The following LPL variants were observed in gnomAD, a reference collection of about 807,000 sequenced individuals.
The protein encoded by LPL is lipoprotein lipase, also known as phospholipase A1.
Under a neutral mutation model 52.2 loss-of-function variants are expected in LPL, and 43 were observed. The ratio of observed to expected loss-of-function variants is 0.82; its 90% CI spans 0.64 to 1.06. LPL has a LOEUF of 1.06. LPL is among the 50% of genes least tolerant of loss of function. The pLI is 0.00. For missense variants in LPL, 639 were observed against 585.3 expected (o/e 1.09, Z -0.95); for synonymous variants, 244 against 215.6 (o/e 1.13, Z -1.15).
chr8:19,962,137 A>C lies in LPL; in HGVS notation c.1345A>C (p.Lys449Gln). 6.2e-7 allele frequency: 1 copy of C among 1,613,498 alleles called. No individual in the cohort carries two copies. Among genetic ancestry groups the C allele is most frequent in the Non-Finnish European group, 8.5e-7 (1 of 1,179,500 alleles). The part of the protein sequence containing the change: ...QKKVIFCSRE[K>Q]VSHLQKGKAP... ...CAGGGTGATCTTCTGTTCTAGGGAG[A>C]AAGTGTCTCATTTGCAGAAAGGAAA... Residue 449 changes from lysine to glutamine, a missense_variant, in exon 9 of 10, where the codon AAA becomes CAA. Physicochemically the swap from Lys to Gln is moderately conservative, Grantham distance 53. Transcript: ENST00000650287.
intron 2 of LPL, chr8:19,948,552 T>C (rs569081126): frequency 1.4e-5 from 8 of 565,608 alleles, no homozygotes; most frequent in African/African-American, 3.7e-5. Flanking sequence ...ATTTTAACAC[T>C]GTACCTGGTT....
rs866366793 is a variant in LPL at position 19,944,268 on chromosome 8, G to T, written c.89-3912G>T. On this transcript the variant is annotated intron_variant, in intron 1 of 9. Coordinates refer to ENST00000650287, the MANE Select transcript of LPL (RefSeq NM_000237.3). The surrounding 1 kb of genome is among the most constrained non-coding windows in gnomAD (Gnocchi z 4.2). ...GAGCATTACTTACGTTAGAATATCTGAACAGACCAATCAATTCAGTCTGAT... is the reference window on the plus strand; with the variant it reads ...GAGCATTACTTACGTTAGAATATCTTAACAGACCAATCAATTCAGTCTGAT... Among the ~76,000 whole-genome samples, 5 of 152,170 alleles carry T rather than the reference G, an allele frequency of 3.3e-5. No homozygotes were observed. Among genetic ancestry groups the T allele is most frequent in the Admixed American group, 1.3e-4 (2 of 15,272 alleles).
intron 1 of LPL, among the ~76,000 whole-genome samples, chr8:19,941,620 C>T (rs1254084681): frequency 6.6e-6 from 1 of 152,214 alleles, no homozygotes; most frequent in Non-Finnish European, 1.5e-5. Flanking sequence ...TCCAAGTAGA[C>T]TGGAAACGAT....
chr8:19,953,317 TTAAC>T lies in LPL; in HGVS notation c.440_443del (p.Asn147ThrfsTer24), dbSNP rs751554200. The T allele has an allele frequency of 1.6e-5, 25 of 1,609,316 alleles. No homozygotes were observed. Among genetic ancestry groups the T allele is most frequent in the Non-Finnish European group, 2.0e-5 (24 of 1,175,680 alleles). On this transcript the variant is annotated frameshift_variant, in exon 4 of 10. Transcript: ENST00000650287. LOFTEE classifies it high-confidence loss of function. ...TTTCTTTTTCTTCCAAAGGAGGAGT[TTAAC>T]TACCCTCTGGACAATGTCCATCTCT...
intron 9 of LPL, among the ~76,000 whole-genome samples, chr8:19,962,885 G>A (rs330): frequency 0.15 from 22,188 of 152,174 alleles, 1,721 homozygotes; most frequent in Non-Finnish European, 0.17. Context: ...TTTCCAGAGC[G>A]TCAGTACTGA....
chr8:19,940,139 C>A (rs950845686), intron 1 of LPL, among the ~76,000 whole-genome samples: 5 of 152,194 alleles, frequency 3.3e-5, no homozygotes, highest in Admixed American at 1.3e-4. Flanking sequence ...GGAGAAAGTA[C>A]GCGTGGCGCG....
chr8:19,954,565 G>A (rs1752830617), intron 5 of LPL, among the ~76,000 whole-genome samples: 1 of 152,140 alleles, frequency 6.6e-6, no homozygotes, highest in South Asian at 2.1e-4. Context: ...AGGCTACACT[G>A]AGCAGTGCAC....
At position 19,960,993 on chromosome 8, in the gene LPL, G is replaced by C. The variant is rs146559760; in HGVS notation, c.1232G>C (p.Ser411Thr). The change falls in exon 8 of 10, where the codon AGT (serine) becomes ACT (threonine). Residue 411 changes from serine to threonine, a missense_variant. Coordinates refer to ENST00000650287, the MANE Select transcript of LPL (RefSeq NM_000237.3). The part of the protein sequence containing the change: ...ELLMLKLKWK[S>T]DSYFSWSDWW... ...CTCATGTTGAAGCTCAAATGGAAGAGTGATTCATACTTTAGCTGGTCAGAC... is the reference window on the plus strand; with the variant it reads ...CTCATGTTGAAGCTCAAATGGAAGACTGATTCATACTTTAGCTGGTCAGAC... The C allele has an allele frequency of 9.9e-6, 16 of 1,614,002 alleles. No individual in the cohort carries two copies. The African/African-American group carries it at 1.9e-4, about 19-fold the overall frequency.
chr8:19,949,160 C>T (rs8176337), intron 2 of LPL, among the ~76,000 whole-genome samples: 1 of 151,938 alleles, frequency 6.6e-6, no homozygotes, highest in Non-Finnish European at 1.5e-5. Flanking sequence ...TGTAAAATGG[C>T]TTGTTAAAGA....
At chr8:19,942,403 T>A (rs1217167441) in intron 1 of LPL, among the ~76,000 whole-genome samples, 1 of 152,182 alleles carries the variant, frequency 6.6e-6, no homozygotes, top group East Asian at 1.9e-4. Context: ...ATTCAAGACA[T>A]GAGTATCATG....
chr8:19,951,705 G>C, intron 2 of LPL, 64 bp from the exon 3 acceptor site: 1 of 1,567,782 alleles, frequency 6.4e-7, no homozygotes, highest in South Asian at 1.1e-5. Context: ...AGGTGTATTG[G>C]GCTGATGTAT....
rs2069870467 is a variant in LPL at position 19,944,970 on chromosome 8, C to T, written c.89-3210C>T. Among the ~76,000 whole-genome samples, 1 of 151,994 alleles carries T rather than the reference C, an allele frequency of 6.6e-6. No homozygotes were observed. Among genetic ancestry groups the T allele is most frequent in the Non-Finnish European group, 1.5e-5 (1 of 67,970 alleles). ...CCTGCCTTTCCTTCCCTCCTTCCTT[C>T]CCCTTCCCCTTCTTCCTTCCTTCCT... On this transcript the variant is annotated intron_variant, in intron 1 of 9. Transcript: ENST00000650287. The surrounding 1 kb of genome is among the most constrained non-coding windows in gnomAD (Gnocchi z 4.2).
At chr8:19,953,661 C>G (rs1185326514) in intron 4 of LPL, among the ~76,000 whole-genome samples, 3 of 152,154 alleles carry the variant, frequency 2.0e-5, no homozygotes, top group African/African-American at 7.2e-5. Context: ...CACACAATGC[C>G]TGCAGATTTC....
chr8:19,962,262 C>T lies in LPL; in HGVS notation c.1427+43C>T, dbSNP rs199731260. The T allele has an allele frequency of 1.1e-4, 167 of 1,487,442 alleles. No homozygotes were observed. In the East Asian group the frequency reaches 3.6e-3, roughly 32 times the overall value. 92.1% of individuals were successfully genotyped at this position (1,487,442 alleles called of 1,614,324 possible). On this transcript the variant is annotated intron_variant, in intron 9 of 9. Coordinates refer to ENST00000650287, the MANE Select transcript of LPL (RefSeq NM_000237.3). ...AAGCTGACTGGGCATCCTGAGCTTG[C>T]ACCCTAAGGGAGGCAGCTTCATGCA...
At chr8:19,962,257 G>A in intron 9 of LPL, 38 bp downstream of exon 9, 2 of 1,525,640 alleles carry the variant, frequency 1.3e-6, no homozygotes, top group Non-Finnish European at 1.8e-6. Context: ...GGCATCCTGA[G>A]CTTGCACCCT....
Position 19,942,076 on chromosome 8 carries a change from AG to A in LPL, c.88+2549del, listed in dbSNP as rs774780494. Among the ~76,000 whole-genome samples the A allele has an allele frequency of 3.2e-4, 49 of 152,280 alleles. 1 individual carries two copies. In the Middle Eastern group the frequency reaches 0.024, roughly 74 times the overall value. ...TCACTGAAGGAGAGCTCAGCGAGGG[AG>A]TGATTGATTAATAGCTGTATTGAAA... On this transcript the variant is annotated intron_variant, in intron 1 of 9. Coordinates refer to ENST00000650287, the MANE Select transcript of LPL (RefSeq NM_000237.3).
intron 2 of LPL, among the ~76,000 whole-genome samples, chr8:19,948,935 T>TAA (rs530320828): frequency 0.04 from 5,765 of 144,210 alleles, 370 homozygotes; most frequent in African/African-American, 0.14. Context: ...TTCTGGAAAT[T>TAA]AAAAAAAAAA....
At chr8:19,948,046 C>T in intron 1 of LPL, 134 bp from the exon 2 acceptor site, 1 of 861,884 alleles carries the variant, frequency 1.2e-6, no homozygotes, top group Non-Finnish European at 2.0e-6. Context: ...TTGCAATCCA[C>T]ATTCGTTTTC....
intron 9 of LPL, 101 bp from the exon 10 acceptor site, chr8:19,965,209 A>T: frequency 1.3e-6 from 1 of 757,992 alleles, no homozygotes; most frequent in Non-Finnish European, 2.5e-6. Context: ...CTGAAATTCC[A>T]TTTGAAGGCT....
Sources: allele counts gnomAD v4.1 joint callset (sites outside exome capture counted in the v4.1 genomes callset), GRCh38; gene constraint gnomAD v4.1.1; non-coding constraint Gnocchi (gnomAD v3.1); transcripts MANE v1.5; gene names NCBI Gene and HGNC (gene_info 2026-07-23, HGNC 2026-07-21).